Variants in TTC14 observed in about 807,000 individuals in gnomAD.
The protein encoded by TTC14 is tetratricopeptide repeat protein 14.
A neutral mutation model predicts 79.9 loss-of-function variants in TTC14; 63 were observed. The ratio of observed to expected loss-of-function variants is 0.79; its 90% CI spans 0.64 to 0.97. The LOEUF (loss-of-function observed/expected upper bound fraction) is 0.97. Ranked by LOEUF, TTC14 falls within the 50% of genes least tolerant of loss-of-function variation. The pLI is 0.00. For synonymous variants in TTC14, 335 were observed against 309.6 expected (o/e 1.08, Z -0.86); for missense variants, 895 against 894.0 (o/e 1.00, Z -0.01).
chr3:180,616,822 A>G, intron 12 of TTC14: 1 of 1,609,770 alleles, frequency 6.2e-7, no homozygotes, highest in Non-Finnish European at 8.5e-7. Context: ...AAAGATATCG[A>G]TACCTGTTTG....
intron 6 of TTC14, 152 bp from the exon 7 acceptor site, chr3:180,605,614 C>T (rs763338901): frequency 1.9e-5 from 11 of 589,840 alleles, no homozygotes; most frequent in South Asian, 1.6e-4. Context: ...ATAATCATTT[C>T]GAAAGTTCAA....
In TTC14 at chr3:180,616,522, A is replaced by G. The variant is rs779797487; in HGVS notation, c.1775-858A>G. 9.0e-6 allele frequency: 14 copies of G among 1,548,226 alleles called. No homozygotes were observed. Among genetic ancestry groups the G allele is most frequent in the Non-Finnish European group, 1.1e-5 (13 of 1,149,346 alleles). On this transcript the variant is annotated intron_variant, in intron 12 of 12. Coordinates refer to the TTC14 transcript ENST00000382584. ...ATAGAAGGTGCTGTATTACCTGTTG[A>G]AAGTATGTTTGAAGGATAATACGGA...
At chr3:180,602,590 T>C in intron 1 of TTC14, 168 bp downstream of exon 1, 1 of 933,470 alleles carries the variant, frequency 1.1e-6, no homozygotes, top group Non-Finnish European at 1.6e-6. Context: ...TCCTGGGTTG[T>C]GCAATGCGGG....
intron 9 of TTC14, among the ~76,000 whole-genome samples, chr3:180,607,236 A>T (rs183387056): frequency 6.6e-6 from 1 of 152,250 alleles, no homozygotes; most frequent in Admixed American, 6.5e-5. Flanking sequence ...TGATTATGCT[A>T]TTTACAGGCT....
rs1462210007 is a variant in TTC14, at chr3:180,603,158, C to T, written c.321C>T (p.Phe107=). 1 of 1,613,580 alleles carries T rather than the reference C, an allele frequency of 6.2e-7. No individual in the cohort carries two copies. Among genetic ancestry groups the T allele is most frequent in the South Asian group, 1.1e-5 (1 of 91,058 alleles). The change falls in exon 3 of 12, where the codon TTC becomes TTT. Residue 107 remains phenylalanine, a synonymous_variant. Transcript: ENST00000296015. ...CAATCATGCCACCTTTAGAGCAATTCATGGAGATACCTAGTATGGATCGGA... is the reference window on the plus strand; with the variant it reads ...CAATCATGCCACCTTTAGAGCAATTTATGGAGATACCTAGTATGGATCGGA... ...HYAIMPPLEQ[F]MEIPSMDRRE...
intron 9 of TTC14, among the ~76,000 whole-genome samples, chr3:180,607,103 G>T (rs1357503222): frequency 1.3e-5 from 2 of 152,090 alleles, no homozygotes; most frequent in African/African-American, 4.8e-5. Context: ...CATTGTATTT[G>T]TTTTATAGTA....
At chr3:180,609,010 A>G in intron 11 of TTC14, 200 bp downstream of exon 11, 1 of 1,077,326 alleles carries the variant, frequency 9.3e-7, no homozygotes. Context: ...AGAATTCTAC[A>G]AAAAAAGAGT....
chr3:180,606,867 C>T (rs949850266), intron 9 of TTC14, among the ~76,000 whole-genome samples: 26 of 152,192 alleles, frequency 1.7e-4, no homozygotes, highest in African/African-American at 5.3e-4. Flanking sequence ...TTGCAATATT[C>T]GTTTATAATT....
At chr3:180,603,548 A>G (rs1716505479) in intron 3 of TTC14, 2 of 518,060 alleles carry the variant, frequency 3.9e-6, no homozygotes, top group African/African-American at 1.9e-5. Context: ...GTTGGCAGGC[A>G]CAGTGTTCTT....
At chr3:180,614,983 A>C, downstream of TTC14, 1 of 1,565,978 alleles carries the variant, frequency 6.4e-7, no homozygotes, top group Non-Finnish European at 8.7e-7. Flanking sequence ...GATGGCCTAG[A>C]AGGGCTGCCT....
At chr3:180,614,806 C>T (rs1464736604), downstream of TTC14, 4 of 876,258 alleles carry the variant, frequency 4.6e-6, no homozygotes, top group Non-Finnish European at 6.7e-6. Context: ...TCAGTTTTTA[C>T]ACTTACCACT....
At position 180,608,808 on chromosome 3, in the gene TTC14, G is replaced by T. The variant is rs750882103; in HGVS notation, c.1398G>T (p.Lys466Asn). ...EKLRKLLKEE[K>N]RLKKKRRKST... ...TGCGTAAGCTCTTAAAAGAAGAGAAGAGGTAAACTATAATATTCAGTATTT... is the reference window on the plus strand; with the variant it reads ...TGCGTAAGCTCTTAAAAGAAGAGAATAGGTAAACTATAATATTCAGTATTT... The change falls in exon 11 of 12, where the codon AAG (lysine) becomes AAT (asparagine). Residue 466 changes from lysine (K) to asparagine (N), a missense_variant and splice_region_variant. By Grantham distance (94) the Lys-to-Asn change is moderately conservative. Transcript: ENST00000296015. The T allele has an allele frequency of 2.0e-6, 3 of 1,527,936 alleles. No individual in the cohort carries two copies. Among genetic ancestry groups the T allele is most frequent in the South Asian group, 2.6e-5 (2 of 77,312 alleles). 94.6% of individuals were successfully genotyped at this position (1,527,936 alleles called of 1,614,324 possible).
chr3:180,602,829 G>A, intron 1 of TTC14, 62 bp from the exon 2 acceptor site: 1 of 1,539,420 alleles, frequency 6.5e-7, no homozygotes, highest in Non-Finnish European at 8.8e-7. Context: ...ATAAGCAGAA[G>A]GTTAGAAGTA....
chr3:180,609,550 G>A, intron 11 of TTC14, 80 bp from the exon 12 acceptor site: 1 of 1,381,604 alleles, frequency 7.2e-7, no homozygotes, highest in South Asian at 2.0e-5. Flanking sequence ...ATCTTTAAAG[G>A]AAACAAATAG....
downstream of TTC14, among the ~76,000 whole-genome samples, chr3:180,615,698 G>T (rs1022203828): frequency 8.6e-5 from 13 of 152,036 alleles, no homozygotes; most frequent in African/African-American, 2.9e-4. Flanking sequence ...GCAGGAGATT[G>T]TGAATTCTAA....
downstream of TTC14, among the ~76,000 whole-genome samples, chr3:180,611,630 G>T (rs1716999848): frequency 6.6e-6 from 1 of 152,152 alleles, no homozygotes. Flanking sequence ...TCCCCAAATT[G>T]CTGAAAATAG....
At position 180,610,251 on chromosome 3, in the gene TTC14, C is replaced by T. The variant is rs1716922081; in HGVS notation, c.2022C>T (p.Ser674=). Residue 674 remains serine, a synonymous_variant, in exon 12 of 12, where the codon AGC becomes AGT. Coordinates refer to ENST00000296015, the MANE Select transcript of TTC14 (RefSeq NM_133462.4). ...GSVRHSTSPA[S]SEYSWKSVEK... ...TGAGGCATTCTACCTCACCAGCAAG[C>T]TCAGAATACTCTTGGAAGTCAGTTG... 6.2e-7 allele frequency: 1 copy of T among 1,613,972 alleles called. No homozygotes were observed. The highest frequency in any genetic ancestry group is 8.5e-7 in the Non-Finnish European group (1 of 1,179,926).
In TTC14 at chr3:180,610,421, C is replaced by G. The variant is rs1480221458; in HGVS notation, c.2192C>G (p.Ala731Gly). The G allele has an allele frequency of 1.2e-6, 2 of 1,613,670 alleles. No individual in the cohort carries two copies. The highest frequency in any genetic ancestry group is 1.7e-6 in the Non-Finnish European group (2 of 1,179,802). Residue 731 changes from alanine to glycine, a missense_variant, in exon 12 of 12, where the codon GCA becomes GGA. Ala to Gly is a moderately conservative substitution (Grantham distance 60, BLOSUM62 0). Coordinates refer to ENST00000296015, the MANE Select transcript of TTC14 (RefSeq NM_133462.4). ...DIKTEVPEEDALSSKEHSESS... is the reference protein window; with the variant it reads ...DIKTEVPEEDGLSSKEHSESS... ...AAAACAGAGGTTCCAGAAGAAGATG[C>G]ACTAAGTAGCAAAGAACACTCAGAA...
chr3:180,603,375 A>G (rs1264057400), intron 3 of TTC14, 52 bp downstream of exon 3: 4 of 1,445,476 alleles, frequency 2.8e-6, no homozygotes, highest in African/African-American at 2.8e-5. Flanking sequence ...ACGCATCTCA[A>G]TGCAAGAACT....
Sources: allele counts gnomAD v4.1 joint callset (sites outside exome capture counted in the v4.1 genomes callset), GRCh38; gene constraint gnomAD v4.1.1; transcripts MANE v1.5; gene names NCBI Gene and HGNC (gene_info 2026-07-23, HGNC 2026-07-21).